KIFAP3: variants seen among roughly 807,000 people sequenced by gnomAD.
The protein encoded by KIFAP3 is kinesin associated protein 3.
A neutral mutation model predicts 106.5 loss-of-function variants in KIFAP3; 68 were observed. The ratio of observed to expected loss-of-function variants is 0.64; its 90% CI spans 0.53 to 0.78. The LOEUF is 0.78. Ranked by LOEUF, KIFAP3 falls within the 30% of genes least tolerant of loss-of-function variation. The pLI, the probability that KIFAP3 is intolerant of heterozygous loss-of-function variation, is 0.00. For missense variants in KIFAP3, 780 were observed against 941.8 expected (o/e 0.83, Z 2.25); for synonymous variants, 320 against 311.5 (o/e 1.03, Z -0.29).
chr1:169,939,240 C>T (rs1663974520), intron 19 of KIFAP3, among the ~76,000 whole-genome samples: 1 of 151,946 alleles, frequency 6.6e-6, no homozygotes, highest in South Asian at 2.1e-4. Context: ...AAATAAATAG[C>T]CAAATTTCAG....
chr1:169,974,559 A>G (rs1018304387), intron 16 of KIFAP3, among the ~76,000 whole-genome samples: 3 of 151,830 alleles, frequency 2.0e-5, no homozygotes, highest in African/African-American at 7.2e-5. Flanking sequence ...AGATATATTT[A>G]AAATGTAGAA....
rs1571686611 is a variant in KIFAP3, at chr1:170,024,526, T to C, written c.912A>G (p.Ile304Met). 6.2e-7 allele frequency: 1 copy of C among 1,606,254 alleles called. No individual in the cohort carries two copies. The highest frequency in any genetic ancestry group is 2.2e-5 in the East Asian group (1 of 44,448). ...RTELKMRNKN[I>M]VHMLVKALDR... is the part of the protein sequence containing the mutation. Reference sequence around the variant, plus strand: ...CAAGGGCTTTCACCAACATGTGAACTATGTTCTTGTTCCTCATTTTCAGTT... The same window carrying C: ...CAAGGGCTTTCACCAACATGTGAACCATGTTCTTGTTCCTCATTTTCAGTT... The change falls in exon 9 of 20, where the codon ATA becomes ATG. Residue 304 changes from isoleucine (I) to methionine (M), a missense_variant. Ile to Met is a conservative substitution (Grantham distance 10). Around this residue, in one of 3 missense-constraint regions of KIFAP3, gnomAD observed 588 missense variants for 678.9 expected, o/e 0.87. Transcript: ENST00000361580.
At chr1:170,045,974 G>A (rs1670226068) in intron 3 of KIFAP3, among the ~76,000 whole-genome samples, 1 of 152,006 alleles carries the variant, frequency 6.6e-6, no homozygotes, top group South Asian at 2.1e-4. Context: ...TGAAACAGCT[G>A]ATGCCAACCA....
At chr1:169,999,540 A>C (rs986518907) in intron 10 of KIFAP3, among the ~76,000 whole-genome samples, 2 of 152,196 alleles carry the variant, frequency 1.3e-5, no homozygotes, top group African/African-American at 4.8e-5. Context: ...TGGATTAGTT[A>C]AATCTGTTCA....
intron 1 of KIFAP3, among the ~76,000 whole-genome samples, chr1:170,061,208 C>T (rs922129726): frequency 2.0e-5 from 3 of 152,078 alleles, no homozygotes; most frequent in African/African-American, 7.2e-5. Context: ...AAGAAACTAC[C>T]ATCAGAGTGA....
intron 19 of KIFAP3, among the ~76,000 whole-genome samples, chr1:169,931,195 C>T (rs2806391): frequency 7.9e-5 from 12 of 152,134 alleles, no homozygotes; most frequent in Admixed American, 2.0e-4. Flanking sequence ...GCTGAGATTA[C>T]AGGCGTAAGC....
intron 16 of KIFAP3, among the ~76,000 whole-genome samples, chr1:169,976,815 C>T (rs115938211): frequency 0.022 from 3,307 of 152,232 alleles, 107 homozygotes; most frequent in African/African-American, 0.063. Flanking sequence ...CTCTCAGGTT[C>T]ATGTGATAAT....
At chr1:170,044,861 CT>C (rs1467739323) in intron 3 of KIFAP3, among the ~76,000 whole-genome samples, 2 of 152,168 alleles carry the variant, frequency 1.3e-5, no homozygotes, top group Non-Finnish European at 2.9e-5. Context: ...GTTTGGAAGT[CT>C]GCTACTCTGA....
At chr1:169,971,047 T>C (rs186597780) in intron 17 of KIFAP3, among the ~76,000 whole-genome samples, 115 of 152,164 alleles carry the variant, frequency 7.6e-4, no homozygotes, top group Admixed American at 1.6e-3. Flanking sequence ...AATAAATACA[T>C]TTGTATTTTA....
intron 11 of KIFAP3, among the ~76,000 whole-genome samples, chr1:169,985,165 G>A (rs1435432430): frequency 6.6e-6 from 1 of 151,822 alleles, no homozygotes; most frequent in African/African-American, 2.4e-5. Context: ...TAAAGATTTT[G>A]GCCTTCGTGC....
At chr1:169,942,397 C>G (rs1420696474) in intron 19 of KIFAP3, among the ~76,000 whole-genome samples, 1 of 151,992 alleles carries the variant, frequency 6.6e-6, no homozygotes, top group East Asian at 1.9e-4. Context: ...TGCACACCTT[C>G]TCCTCTTAGT....
chr1:170,032,307 T>C (rs1669455371), intron 7 of KIFAP3: 1 of 175,492 alleles, frequency 5.7e-6, no homozygotes, highest in South Asian at 1.7e-4. Context: ...GGTGCACAAG[T>C]CTATAACTTT....
At chr1:169,958,732 T>C (rs540783468) in intron 18 of KIFAP3, among the ~76,000 whole-genome samples, 1 of 152,286 alleles carries the variant, frequency 6.6e-6, no homozygotes, top group South Asian at 2.1e-4. Context: ...TTTAGATATA[T>C]GTAGTAGCAA....
chr1:169,994,475 T>C (rs1667275590), intron 10 of KIFAP3, among the ~76,000 whole-genome samples: 1 of 152,198 alleles, frequency 6.6e-6, no homozygotes, highest in African/African-American at 2.4e-5. Flanking sequence ...TAAATCCAGG[T>C]TTTAGATTTT....
At chr1:169,973,341 T>C (rs903252699) in intron 16 of KIFAP3, among the ~76,000 whole-genome samples, 14 of 149,068 alleles carry the variant, frequency 9.4e-5, no homozygotes, top group East Asian at 2.0e-4. Flanking sequence ...ATGACAGATA[T>C]TAGACTAAGA....
intron 19 of KIFAP3, among the ~76,000 whole-genome samples, chr1:169,945,274 G>A (rs1331240769): frequency 6.6e-6 from 1 of 152,190 alleles, no homozygotes; most frequent in Admixed American, 6.5e-5. Flanking sequence ...GAGAGGCCAG[G>A]GAGTGGAAGC....
intron 19 of KIFAP3, among the ~76,000 whole-genome samples, chr1:169,935,527 A>T (rs572570547): frequency 6.6e-6 from 1 of 152,126 alleles, no homozygotes; most frequent in East Asian, 1.9e-4. Flanking sequence ...TAATATATAT[A>T]AGATACATTG....
At chr1:169,962,466 T>C (rs930513897) in intron 17 of KIFAP3, among the ~76,000 whole-genome samples, 1 of 152,186 alleles carries the variant, frequency 6.6e-6, no homozygotes, top group African/African-American at 2.4e-5. Context: ...AGGCTTCAGA[T>C]ATTTCATGTC....
In KIFAP3 at chr1:169,948,426, TA is replaced by T. The variant is rs369821428; in HGVS notation, c.2273+5584del. Among the ~76,000 whole-genome samples, 415 of 151,770 alleles carry T rather than the reference TA, an allele frequency of 2.7e-3. 2 individuals are homozygous for T. Among genetic ancestry groups the T allele is most frequent in the African/African-American group, 9.0e-3 (374 of 41,474 alleles). On this transcript the variant is annotated intron_variant, in intron 19 of 19. Transcript: ENST00000361580. ...ATAGAAAAACTATGATCATCTTTGG[TA>T]AAAAAAAGTAATAACACACTAAATG... is the stretch of plus-strand genomic sequence containing the variant.
Sources: gnomAD v4.1 joint callset for allele counts (sites outside exome capture counted in the v4.1 genomes callset) on GRCh38, gnomAD v4.1.1 for gene constraint, gnomAD v4.1.1 regional missense constraint, MANE v1.5 for transcripts, NCBI Gene and HGNC (gene_info 2026-07-23, HGNC 2026-07-21) for gene names.